DLC1: variants seen among roughly 807,000 people sequenced by gnomAD.
DLC1 encodes DLC1 Rho GTPase activating protein.
Under a neutral mutation model 140.3 loss-of-function variants are expected in DLC1, and 54 were observed. That is an observed-to-expected ratio of 0.38 (90% CI 0.31 to 0.48). The LOEUF (loss-of-function observed/expected upper bound fraction) is 0.48, where lower values mean the gene tolerates loss of function less well. Ranked by LOEUF, DLC1 falls within the 20% of genes least tolerant of loss-of-function variation. The pLI is 0.96. For missense variants in DLC1, 2,536 were observed against 1,907.0 expected (o/e 1.33, Z -6.14); for synonymous variants, 986 against 728.1 (o/e 1.35, Z -5.70).
In DLC1 at chr8:13,091,443, G is replaced by A. The variant is rs540427564; in HGVS notation, c.3741-11C>T. ...TTTCTTTGCATTACCCTAGGTAGAA[G>A]AAATACAGGAGGGGAACAGTTCAAA... is the stretch of plus-strand genomic sequence containing the variant. On this transcript the variant is annotated splice_polypyrimidine_tract_variant and intron_variant, in intron 13 of 17. Transcript: ENST00000276297. The A allele has an allele frequency of 2.6e-4, 424 of 1,605,206 alleles. 7 individuals carry two copies. The South Asian group carries it at 4.4e-3, about 17-fold the overall frequency.
intron 4 of DLC1, chr8:13,341,067 G>C (rs1032696558): frequency 3.9e-5 from 6 of 152,192 alleles, no homozygotes; most frequent in African/African-American, 1.4e-4. Context: ...AGTAGGATTT[G>C]AAGGAAGGAT....
chr8:13,179,693 C>G (rs997045852), intron 5 of DLC1, among the ~76,000 whole-genome samples: 1 of 152,028 alleles, frequency 6.6e-6, no homozygotes, highest in Non-Finnish European at 1.5e-5. Context: ...TGCATTCCAG[C>G]CTGGGCCACA....
At chr8:13,269,391 A>G (rs1282163183) in intron 5 of DLC1, among the ~76,000 whole-genome samples, 2 of 152,144 alleles carry the variant, frequency 1.3e-5, no homozygotes, top group East Asian at 3.9e-4. Flanking sequence ...TCATCATCAC[A>G]CACAAACAAC....
At chr8:13,465,528 A>G (rs1799890796) in intron 2 of DLC1, among the ~76,000 whole-genome samples, 1 of 152,018 alleles carries the variant, frequency 6.6e-6, no homozygotes, top group South Asian at 2.1e-4. Flanking sequence ...TATTGTCAAT[A>G]TGGGTTTCCT....
intron 4 of DLC1, among the ~76,000 whole-genome samples, chr8:13,351,980 C>T (rs145117822): frequency 0.074 from 11,288 of 152,272 alleles, 467 homozygotes; most frequent in South Asian, 0.1. Flanking sequence ...GTGATCTGCC[C>T]GCCTTGGCCT....
intron 5 of DLC1, among the ~76,000 whole-genome samples, chr8:13,301,415 ATGCAGCGAG>A (rs1832184840): frequency 2.6e-5 from 4 of 152,222 alleles, no homozygotes; most frequent in Admixed American, 6.5e-5. Context: ...GACATCAGTG[ATGCAGCGAG>A]TGTCCATTTG....
intron 2 of DLC1, among the ~76,000 whole-genome samples, chr8:13,471,594 T>C (rs1800211590): frequency 6.6e-6 from 1 of 151,684 alleles, no homozygotes; most frequent in Admixed American, 6.6e-5. Context: ...CAAGGCTCAA[T>C]ACCTGGGTGA....
At chr8:13,288,662 A>G (rs1168543113) in intron 5 of DLC1, among the ~76,000 whole-genome samples, 1 of 152,218 alleles carries the variant, frequency 6.6e-6, no homozygotes, top group Non-Finnish European at 1.5e-5. Context: ...AGGATGTGCC[A>G]TCAAGGTCTA....
chr8:13,248,559 C>A (rs1419370987), intron 5 of DLC1, among the ~76,000 whole-genome samples: 1 of 152,166 alleles, frequency 6.6e-6, no homozygotes, highest in African/African-American at 2.4e-5. Flanking sequence ...CCAACCTTGG[C>A]AGCCTCACCG....
At position 13,500,017 on chromosome 8, in the gene DLC1, C is replaced by G. The variant is rs556905949; in HGVS notation, c.55G>C (p.Gly19Arg). 6.2e-7 allele frequency: 1 copy of G among 1,614,052 alleles called. No individual in the cohort carries two copies. The highest frequency in any genetic ancestry group is 1.1e-5 in the South Asian group (1 of 91,080). ...SWEEHVTHWM[G>R]QPFNSDDRNT... ...CGATCATCAGAATTAAAAGGCTGTC[C>G]CATCCAGTGGGTCACATGTTCTTCC... The change falls in exon 2 of 18, where the codon GGA becomes CGA. Residue 19 changes from glycine to arginine, a missense_variant. Physicochemically the swap from Gly to Arg is moderately radical, Grantham distance 125 (BLOSUM62 -2). Transcript: ENST00000276297.
chr8:13,539,479 C>T lies in DLC1; in HGVS notation c.-125-39283G>A, dbSNP rs562569631. On this transcript the variant is annotated intron_variant, in intron 1 of 1. Coordinates refer to the DLC1 transcript ENST00000631382. ...CCTCCCAAAGTGCTGGGATTACAGG[C>T]GTGAGCCACTGCACCCGCCGCGAAT... is the stretch of plus-strand genomic sequence containing the variant. Among the ~76,000 whole-genome samples the T allele has an allele frequency of 1.1e-4, 16 of 152,194 alleles. 1 individual carries two copies. In the South Asian group the frequency reaches 3.1e-3, roughly 30 times the overall value.
chr8:13,227,017 T>C (rs1163286657), intron 5 of DLC1, among the ~76,000 whole-genome samples: 1 of 152,024 alleles, frequency 6.6e-6, no homozygotes, highest in Non-Finnish European at 1.5e-5. Context: ...TGAGAAATAG[T>C]TCATTATTAC....
intron 4 of DLC1, among the ~76,000 whole-genome samples, chr8:13,334,188 T>C (rs182210747): frequency 2.4e-4 from 37 of 152,106 alleles, no homozygotes; most frequent in Admixed American, 2.0e-3. Flanking sequence ...AACCAGGAGA[T>C]AGCATTGCAA....
At chr8:13,470,586 G>A (rs1234573794) in intron 2 of DLC1, among the ~76,000 whole-genome samples, 1 of 152,150 alleles carries the variant, frequency 6.6e-6, no homozygotes, top group Non-Finnish European at 1.5e-5. Context: ...ACACCTGTTG[G>A]GATGGTTATT....
At chr8:13,315,457 C>A (rs2117569284) in intron 4 of DLC1, among the ~76,000 whole-genome samples, 1 of 152,312 alleles carries the variant, frequency 6.6e-6, no homozygotes, top group East Asian at 1.9e-4. Context: ...CTTGTTGGCA[C>A]CTCTGAGGTA....
At chr8:13,095,013 A>G in intron 11 of DLC1, 56 bp from the exon 12 acceptor site, 2 of 1,613,826 alleles carry the variant, frequency 1.2e-6, no homozygotes, top group Non-Finnish European at 1.7e-6. Context: ...CAGTGTTTAC[A>G]CCACACAACT....
chr8:13,392,188 G>A (rs1221200835), intron 4 of DLC1, among the ~76,000 whole-genome samples: 1 of 152,058 alleles, frequency 6.6e-6, no homozygotes, highest in Non-Finnish European at 1.5e-5. Context: ...AATATATGCA[G>A]TATTATCATA....
intron 4 of DLC1, among the ~76,000 whole-genome samples, chr8:13,331,437 A>T (rs1187633804): frequency 6.6e-6 from 1 of 152,190 alleles, no homozygotes; most frequent in Non-Finnish European, 1.5e-5. Context: ...TCCAAAGAAG[A>T]TTGAGTAAAG....
intron 1 of DLC1, among the ~76,000 whole-genome samples, chr8:13,537,740 G>A (rs1366382608): frequency 3.0e-5 from 4 of 134,044 alleles, no homozygotes; most frequent in Admixed American, 8.9e-5. Flanking sequence ...TGCAAGCTCC[G>A]CCTCCCGGGT....
Sources: gnomAD v4.1 joint callset for allele counts (sites outside exome capture counted in the v4.1 genomes callset) on GRCh38, gnomAD v4.1.1 for gene constraint, MANE v1.5 for transcripts, NCBI Gene and HGNC (gene_info 2026-07-23, HGNC 2026-07-21) for gene names.